The following BABAM2 variants were observed in gnomAD, a reference collection of about 807,000 sequenced individuals.
BABAM2 encodes the protein BRISC and BRCA1 A complex member 2.
In BABAM2, 31 loss-of-function variants were observed where a neutral mutation model predicts 54.7. The ratio of observed to expected loss-of-function variants is 0.57; its 90% CI spans 0.43 to 0.77. The LOEUF (loss-of-function observed/expected upper bound fraction) is 0.77. BABAM2 is among the 30% of genes least tolerant of loss of function. The probability of loss-of-function intolerance (pLI) is 0.00; values close to 1 mark genes in which losing one functional copy is unlikely to be tolerated. For synonymous variants in BABAM2, 167 were observed against 162.9 expected (o/e 1.03, Z -0.19); for missense variants, 364 against 455.8 (o/e 0.80, Z 1.83).
chr2:28,264,200 C>T (rs1436392574), intron 10 of BABAM2, among the ~76,000 whole-genome samples: 1 of 152,054 alleles, frequency 6.6e-6, no homozygotes, highest in Non-Finnish European at 1.5e-5. Context: ...ATGGGGTTTG[C>T]CTTTTTTATA....
chr2:28,056,496 CT>C (rs915817427), intron 6 of BABAM2, among the ~76,000 whole-genome samples: 31 of 151,886 alleles, frequency 2.0e-4, no homozygotes, highest in Non-Finnish European at 4.0e-4. Flanking sequence ...GTGCTTCTTT[CT>C]TTTTTTCAAA....
At chr2:28,141,559 C>T (rs6721349) in intron 7 of BABAM2, among the ~76,000 whole-genome samples, 37,226 of 152,052 alleles carry the variant, frequency 0.24, 5,177 homozygotes, top group Middle Eastern at 0.32. Flanking sequence ...CCACCCAACA[C>T]AAACACCTAG....
intron 10 of BABAM2, among the ~76,000 whole-genome samples, chr2:28,249,893 A>G (rs1380006339): frequency 6.6e-6 from 1 of 152,182 alleles, no homozygotes; most frequent in Non-Finnish European, 1.5e-5. Flanking sequence ...TCAGCCTCCC[A>G]AAGTGTTGGG....
At position 28,252,612 on chromosome 2, in the gene BABAM2, A is replaced by G. The variant is rs554594175; in HGVS notation, c.934+7750A>G. On this transcript the variant is annotated intron_variant, in intron 10 of 11. Transcript: ENST00000379624. ...TGTAATTTCTGACACTAGTTTGAGA[A>G]CTTACTGGATTAATCTTCACTGGGA... Among the ~76,000 whole-genome samples the G allele has an allele frequency of 2.6e-5, 4 of 152,316 alleles. No individual in the cohort carries two copies. In the East Asian group the frequency reaches 7.7e-4, roughly 29 times the overall value.
In BABAM2 at chr2:28,193,299, T is replaced by C. The variant is rs1677137076; in HGVS notation, c.681-43903T>C. On this transcript the variant is annotated intron_variant, in intron 7 of 11. Coordinates refer to ENST00000379624, the MANE Select transcript of BABAM2 (RefSeq NM_199191.3). Reference sequence around the variant, plus strand: ...GCTAATATCTCTGCACTCTTGAACCTCTACATTCTTGAGCCCTAGGTGGTA... The same window carrying C: ...GCTAATATCTCTGCACTCTTGAACCCCTACATTCTTGAGCCCTAGGTGGTA... Among the ~76,000 whole-genome samples, 3 of 152,206 alleles carry C rather than the reference T, an allele frequency of 2.0e-5. 1 individual carries two copies. The South Asian group carries it at 6.2e-4, about 31-fold the overall frequency.
intron 7 of BABAM2, among the ~76,000 whole-genome samples, chr2:28,130,060 A>G (rs1669891338): frequency 1.3e-5 from 2 of 152,340 alleles, no homozygotes; most frequent in Middle Eastern, 6.8e-3. Context: ...GCTGAGGTTC[A>G]TTGAAAATGG....
intron 7 of BABAM2, among the ~76,000 whole-genome samples, chr2:28,164,374 C>G (rs1409640513): frequency 6.6e-6 from 1 of 152,122 alleles, no homozygotes; most frequent in East Asian, 1.9e-4. Flanking sequence ...TTCTGGGCCA[C>G]TCTGTGGGCT....
At chr2:28,335,783 G>A (rs1487809202) in intron 11 of BABAM2, among the ~76,000 whole-genome samples, 1 of 152,178 alleles carries the variant, frequency 6.6e-6, no homozygotes, top group African/African-American at 2.4e-5. Context: ...GGTGGCAAAT[G>A]GCATGTGTGA....
At chr2:28,187,662 A>ATTTTTTTTTTTTTTTTTTTTTTTTTTTTT in intron 7 of BABAM2, among the ~76,000 whole-genome samples, 1 of 99,162 alleles carries the variant, frequency 1.0e-5, no homozygotes, top group African/African-American at 3.8e-5. Flanking sequence ...GAACTTTGGA[A>ATTTTTTTTTTTTTTTTTTTTTTTTTTTTT]TTTTTTTTTT....
At chr2:28,116,782 A>G (rs1668652275) in intron 6 of BABAM2, among the ~76,000 whole-genome samples, 1 of 152,240 alleles carries the variant, frequency 6.6e-6, no homozygotes, top group Admixed American at 6.5e-5. Flanking sequence ...CTTGCTGGGC[A>G]CTTCCACGTA....
chr2:28,196,834 G>GTTTTTT (rs1316220461), intron 7 of BABAM2, among the ~76,000 whole-genome samples: 29 of 26,362 alleles, frequency 1.1e-3, no homozygotes, highest in Middle Eastern at 0.045. Context: ...GTGAGACCCT[G>GTTTTTT]TCTTTTTTTT....
At chr2:27,907,966 A>T (rs1348320934) in intron 2 of BABAM2, among the ~76,000 whole-genome samples, 1 of 152,214 alleles carries the variant, frequency 6.6e-6, no homozygotes, top group African/African-American at 2.4e-5. Context: ...ACTGTGAATA[A>T]TGCTATTAAT....
intron 7 of BABAM2, among the ~76,000 whole-genome samples, chr2:28,135,105 T>C (rs1302525764): frequency 3.3e-5 from 5 of 152,218 alleles, no homozygotes; most frequent in Non-Finnish European, 5.9e-5. Context: ...TTAGTGCTCC[T>C]TGAGAAAATA....
At chr2:28,091,133 A>G (rs1666121372) in intron 6 of BABAM2, among the ~76,000 whole-genome samples, 1 of 152,200 alleles carries the variant, frequency 6.6e-6, no homozygotes, top group African/African-American at 2.4e-5. Flanking sequence ...AAGAAAGTCA[A>G]TTTGTTTTCA....
intron 11 of BABAM2, among the ~76,000 whole-genome samples, chr2:28,313,168 A>G (rs933247380): frequency 3.9e-5 from 6 of 152,224 alleles, no homozygotes; most frequent in African/African-American, 1.2e-4. Flanking sequence ...GGGAAAACCC[A>G]GGGTGTTTGT....
chr2:27,928,673 T>G (rs1667883154), intron 2 of BABAM2, among the ~76,000 whole-genome samples: 1 of 152,124 alleles, frequency 6.6e-6, no homozygotes, highest in African/African-American at 2.4e-5. Context: ...TCACAGCCAG[T>G]TTTGGAATTA....
chr2:27,940,040 G>A (rs1306068382), intron 3 of BABAM2, among the ~76,000 whole-genome samples: 1 of 152,160 alleles, frequency 6.6e-6, no homozygotes, highest in Admixed American at 6.5e-5. Flanking sequence ...AAATGTTAAA[G>A]GATATCCTAA....
At chr2:28,088,496 C>T (rs1273299733) in intron 6 of BABAM2, among the ~76,000 whole-genome samples, 2 of 152,156 alleles carry the variant, frequency 1.3e-5, no homozygotes, top group African/African-American at 4.8e-5. Context: ...ACGAAGATGG[C>T]CCTTGGGCTT....
chr2:28,031,958 C>T (rs1676324157), intron 5 of BABAM2, among the ~76,000 whole-genome samples: 2 of 152,128 alleles, frequency 1.3e-5, no homozygotes, highest in South Asian at 4.1e-4. Context: ...AGCATGAGGA[C>T]ATTTTTGTAT....
Sources: gnomAD v4.1 joint callset for allele counts (sites outside exome capture counted in the v4.1 genomes callset) on GRCh38, gnomAD v4.1.1 for gene constraint, MANE v1.5 for transcripts, NCBI Gene and HGNC (gene_info 2026-07-23, HGNC 2026-07-21) for gene names.